The following TIMP3 variants were observed in gnomAD, a reference collection of about 807,000 sequenced individuals.
The protein encoded by TIMP3 is TIMP metallopeptidase inhibitor 3.
Under a neutral mutation model 30.0 loss-of-function variants are expected in TIMP3, and 11 were observed. The observed-to-expected ratio is 0.37, with a 90% CI of 0.23 to 0.61. The LOEUF (loss-of-function observed/expected upper bound fraction) is 0.61, where lower values mean the gene tolerates loss of function less well. Ranked by LOEUF, TIMP3 falls within the 20% of genes least tolerant of loss-of-function variation. The probability of loss-of-function intolerance (pLI) is 0.70; values close to 1 mark genes in which losing one functional copy is unlikely to be tolerated. For synonymous variants in TIMP3, 112 were observed against 111.3 expected, an observed-to-expected ratio of 1.01 and a Z score of -0.04; for missense variants, 181 against 276.8, an observed-to-expected ratio of 0.65 and a Z score of 2.45.
At chr22:32,828,347 T>C (rs957469697) in intron 1 of TIMP3, among the ~76,000 whole-genome samples, 3 of 152,212 alleles carry the variant, frequency 2.0e-5, no homozygotes, top group Admixed American at 2.0e-4. Flanking sequence ...TTCTTTTATG[T>C]TGATGTGAAG....
In TIMP3 at chr22:32,809,973, G is replaced by A. The variant is rs73397463; in HGVS notation, c.121+7851G>A. The stretch of plus-strand genomic sequence containing the variant: ...CTGTTACCCACAGTGCTGCCACCAT[G>A]CCTGGGATAGACAGCAGGTAACTGA... On this transcript the variant is annotated intron_variant, in intron 1 of 4. Transcript: ENST00000266085. Among the ~76,000 whole-genome samples, 1,148 of 152,308 alleles carry A rather than the reference G, an allele frequency of 7.5e-3. 14 individuals carry two copies. Among genetic ancestry groups the A allele is most frequent in the African/African-American group, 0.027 (1,109 of 41,562 alleles).
intron 1 of TIMP3, among the ~76,000 whole-genome samples, chr22:32,813,159 T>C (rs2046958040): frequency 6.6e-6 from 1 of 152,214 alleles, no homozygotes; most frequent in Admixed American, 6.5e-5. Flanking sequence ...TACTCACTCC[T>C]ACCAAATATG....
Position 32,860,728 on chromosome 22 carries a change from C to G in TIMP3, c.*1351C>G, listed in dbSNP as rs1477533317. On this transcript the variant is annotated 3_prime_UTR_variant, in exon 5 of 5. Transcript: ENST00000266085. ...AAGGGCCTGGGCACAGGAGGGAGAG[C>G]TGCAGAGTGTCCTGCCTGCCTTGGC... The G allele has an allele frequency of 6.6e-6, 1 of 152,120 alleles. No homozygotes were observed. The highest frequency in any genetic ancestry group is 1.5e-5 in the Non-Finnish European group (1 of 68,038). The allele number at this position is 152,120 out of a possible 1,614,324, so 9.4% of individuals were successfully genotyped here.
At chr22:32,850,425 A>G (rs1477977165) in intron 2 of TIMP3, among the ~76,000 whole-genome samples, 1 of 152,082 alleles carries the variant, frequency 6.6e-6, no homozygotes, top group African/African-American at 2.4e-5. Context: ...CGGGTGGTAT[A>G]CAATGGAAGG....
intron 1 of TIMP3, among the ~76,000 whole-genome samples, chr22:32,810,742 G>A (rs1162350939): frequency 3.3e-5 from 5 of 152,348 alleles, no homozygotes; most frequent in Non-Finnish European, 7.3e-5. Context: ...AGGATGTGGG[G>A]ATGGTGAGTT....
intron 1 of TIMP3, among the ~76,000 whole-genome samples, chr22:32,812,070 C>T (rs1048789468): frequency 1.3e-5 from 2 of 152,146 alleles, no homozygotes; most frequent in African/African-American, 4.8e-5. Flanking sequence ...ACTCTGGAGT[C>T]CCCTTGGTGA....
intron 2 of TIMP3, among the ~76,000 whole-genome samples, 165 bp from the exon 3 acceptor site, chr22:32,857,084 A>C (rs144289242): frequency 1.3e-5 from 2 of 152,312 alleles, no homozygotes; most frequent in African/African-American, 4.8e-5. Context: ...GGTTGATTTC[A>C]TATCTTGGCT....
rs1172286014 is a variant in TIMP3, at chr22:32,837,528, G to A, written c.122-11924G>A. Among the ~76,000 whole-genome samples, 2 of 152,182 alleles carry A rather than the reference G, an allele frequency of 1.3e-5. No individual in the cohort carries two copies. Among genetic ancestry groups the A allele is most frequent in the African/African-American group, 2.4e-5 (1 of 41,436 alleles). Reference sequence around the variant, plus strand: ...GTGAAAGGGCTTGAGGGGAGACAGGGTACGGCGGGAGACAGAGATGCATGA... The same window carrying A: ...GTGAAAGGGCTTGAGGGGAGACAGGATACGGCGGGAGACAGAGATGCATGA... On this transcript the variant is annotated intron_variant, in intron 1 of 4. Transcript: ENST00000266085. The surrounding 1 kb of genome is among the most constrained non-coding windows in gnomAD (Gnocchi z 4.1).
intron 1 of TIMP3, among the ~76,000 whole-genome samples, chr22:32,841,670 A>C (rs977970171): frequency 1.1e-4 from 12 of 112,782 alleles, no homozygotes; most frequent in Non-Finnish European, 1.6e-4. Flanking sequence ...AACAACATAC[A>C]CTGGGGCCTG....
At chr22:32,838,241 G>C (rs130302) in intron 1 of TIMP3, among the ~76,000 whole-genome samples, 145,476 of 152,310 alleles carry the variant, frequency 0.96, 69,530 homozygotes, top group African/African-American at 0.99. Context: ...AATTTCAAGT[G>C]GACTTGAGGA....
chr22:32,840,230 G>A (rs1404267215), intron 1 of TIMP3, among the ~76,000 whole-genome samples: 1 of 152,038 alleles, frequency 6.6e-6, no homozygotes. Context: ...TTCATTTCTT[G>A]CCAAAAAAAC....
chr22:32,846,494 G>A (rs928968536), intron 1 of TIMP3, among the ~76,000 whole-genome samples: 3 of 152,310 alleles, frequency 2.0e-5, no homozygotes, highest in East Asian at 1.9e-4. Flanking sequence ...AAACACATGA[G>A]GTTTGGGATG....
intron 2 of TIMP3, among the ~76,000 whole-genome samples, chr22:32,855,187 G>C (rs956203287): frequency 6.6e-6 from 1 of 152,200 alleles, no homozygotes; most frequent in African/African-American, 2.4e-5. Flanking sequence ...GCAACACCTT[G>C]GTGCCCCACC....
In TIMP3 at chr22:32,829,977, G is replaced by C. The variant is rs551311667; in HGVS notation, c.122-19475G>C. 3.3e-5 allele frequency among the ~76,000 whole-genome samples: 5 copies of C among 152,282 alleles called. 1 individual carries two copies. The South Asian group carries it at 1.0e-3, about 32-fold the overall frequency. ...GCCTCTCTCTGCATTGCTCTGGGGT[G>C]TTCACTGCACTTGGACTGATACCAG... On this transcript the variant is annotated intron_variant, in intron 1 of 4. Transcript: ENST00000266085.
chr22:32,858,201 G>C (rs895273162), intron 4 of TIMP3, 63 bp downstream of exon 4: 2 of 1,600,744 alleles, frequency 1.2e-6, no homozygotes, highest in African/African-American at 2.7e-5. Flanking sequence ...AGAAACATCA[G>C]CTCCCAATGC....
At chr22:32,856,383 G>A (rs1401039484) in intron 2 of TIMP3, among the ~76,000 whole-genome samples, 1 of 152,044 alleles carries the variant, frequency 6.6e-6, no homozygotes, top group Non-Finnish European at 1.5e-5. Context: ...CAAGAGGATC[G>A]GTGGCTTCAT....
chr22:32,849,588 G>A, intron 2 of TIMP3, 54 bp downstream of exon 2: 1 of 1,533,242 alleles, frequency 6.5e-7, no homozygotes, highest in Non-Finnish European at 8.9e-7. Context: ...TTTGCCAGAA[G>A]AGTCCTGGCT....
At chr22:32,820,269 CGTGTGTGTGT>C (rs374591413) in intron 1 of TIMP3, among the ~76,000 whole-genome samples, 1 of 144,928 alleles carries the variant, frequency 6.9e-6, no homozygotes, top group African/African-American at 2.5e-5. Context: ...TGTGCGTGCG[CGTGTGTGTGT>C]GTGTGTGTGG....
At chr22:32,804,912 G>A (rs2145947219) in intron 1 of TIMP3, among the ~76,000 whole-genome samples, 1 of 152,326 alleles carries the variant, frequency 6.6e-6, no homozygotes, top group East Asian at 1.9e-4. Context: ...AGGAATGGGA[G>A]GGGGCTGGAG....
Sources: gnomAD v4.1 joint callset for allele counts (sites outside exome capture counted in the v4.1 genomes callset) on GRCh38, gnomAD v4.1.1 for gene constraint, Gnocchi (gnomAD v3.1) non-coding constraint, MANE v1.5 for transcripts, NCBI Gene and HGNC (gene_info 2026-07-23, HGNC 2026-07-21) for gene names.